The following NR2C1 variants were observed in gnomAD, a reference collection of about 807,000 sequenced individuals.
The protein encoded by NR2C1 is TR2 nuclear hormone receptor.
NR2C1 carries 33 observed loss-of-function variants against 74.8 expected under a neutral mutation model. The ratio of observed to expected loss-of-function variants is 0.44; its 90% CI spans 0.33 to 0.59. The LOEUF (loss-of-function observed/expected upper bound fraction) is 0.59, where lower values mean the gene tolerates loss of function less well. NR2C1 is among the 20% of genes least tolerant of loss of function. The pLI is 0.02. For missense variants in NR2C1, 568 were observed against 715.6 expected, an observed-to-expected ratio of 0.79 and a Z score of 2.35; for synonymous variants, 225 against 240.6, an observed-to-expected ratio of 0.94 and a Z score of 0.60.
intron 9 of NR2C1, among the ~76,000 whole-genome samples, chr12:95,043,711 C>G (rs74514608): frequency 0.053 from 6,660 of 125,296 alleles, 252 homozygotes; most frequent in Middle Eastern, 0.11. Flanking sequence ...AAATCCTTTG[C>G]AAAATAGTTT....
At chr12:95,054,842 C>T (rs893714105) in intron 7 of NR2C1, among the ~76,000 whole-genome samples, 1 of 151,822 alleles carries the variant, frequency 6.6e-6, no homozygotes, top group Non-Finnish European at 1.5e-5. Context: ...AGTGGAGGGA[C>T]GGTCAGCAGA....
At chr12:95,061,588 T>C (rs7135351) in intron 3 of NR2C1, among the ~76,000 whole-genome samples, 13,977 of 152,242 alleles carry the variant, frequency 0.092, 669 homozygotes, top group Middle Eastern at 0.11. Flanking sequence ...CCAAAACTAA[T>C]ACAAATATCA....
intron 10 of NR2C1, among the ~76,000 whole-genome samples, chr12:95,032,791 A>G (rs1256004947): frequency 6.6e-6 from 1 of 152,106 alleles, no homozygotes; most frequent in Non-Finnish European, 1.5e-5. Context: ...AACATGGCGA[A>G]ACTCTATCTC....
chr12:95,032,457 C>CAAAAAAAAAAAAAAAA (rs905079010), intron 10 of NR2C1, among the ~76,000 whole-genome samples: 14 of 90,712 alleles, frequency 1.5e-4, no homozygotes, highest in African/African-American at 5.7e-4. Context: ...GACTCCGTCT[C>CAAAAAAAAAAAAAAAA]AAAAAAAAAA....
rs976446765 is a variant in NR2C1 at position 95,020,281 on chromosome 12, T to C, written c.*1948A>G. 3.3e-5 allele frequency: 5 copies of C among 152,134 alleles called. No individual in the cohort carries two copies. Among genetic ancestry groups the C allele is most frequent in the African/African-American group, 1.2e-4 (5 of 41,436 alleles). The allele number at this position is 152,134 out of a possible 1,614,324, so 9.4% of individuals were successfully genotyped here. On this transcript the variant is annotated 3_prime_UTR_variant, in exon 14 of 14. Transcript: ENST00000333003. ...CAAATATACTGGTAAGACACAGAAA[T>C]TTGTAATGCAAGTCACATTTTAATA...
At chr12:95,032,101 C>T (rs988046718) in intron 10 of NR2C1, among the ~76,000 whole-genome samples, 1 of 152,198 alleles carries the variant, frequency 6.6e-6, no homozygotes, top group Admixed American at 6.5e-5. Flanking sequence ...CTCCTGACCT[C>T]AGCTGATCCG....
intron 8 of NR2C1, 39 bp downstream of exon 8, chr12:95,051,721 CAT>C: frequency 6.6e-7 from 1 of 1,513,934 alleles, no homozygotes; most frequent in Middle Eastern, 1.7e-4. Flanking sequence ...TACTGAAAGA[CAT>C]GTAAACAAAA....
chr12:95,052,158 G>GTTTTT (rs201217929), intron 7 of NR2C1, among the ~76,000 whole-genome samples: 5 of 141,094 alleles, frequency 3.5e-5, no homozygotes, highest in Non-Finnish European at 4.7e-5. Flanking sequence ...ATGTTACTTT[G>GTTTTT]TTTTTTTTTT....
chr12:95,070,076 AT>A (rs1876365117), intron 1 of NR2C1, among the ~76,000 whole-genome samples: 5 of 152,336 alleles, frequency 3.3e-5, no homozygotes, highest in Middle Eastern at 6.8e-3. Context: ...ATCCAGCCTG[AT>A]AAACTGGCCT....
intron 3 of NR2C1, among the ~76,000 whole-genome samples, chr12:95,061,392 A>G (rs536872460): frequency 6.6e-6 from 1 of 152,360 alleles, no homozygotes; most frequent in Admixed American, 6.5e-5. Context: ...ACGGGGGAGT[A>G]ATATGGGAAC....
intron 1 of NR2C1, among the ~76,000 whole-genome samples, chr12:95,068,956 C>CT (rs1458168649): frequency 6.6e-6 from 1 of 151,738 alleles, no homozygotes; most frequent in Non-Finnish European, 1.5e-5. Context: ...GAGAGAGACT[C>CT]TGTCTCAAAA....
intron 1 of NR2C1, among the ~76,000 whole-genome samples, chr12:95,071,749 CTTT>C (rs780957499): frequency 2.1e-5 from 3 of 141,546 alleles, no homozygotes; most frequent in Non-Finnish European, 4.7e-5. Flanking sequence ...ATAAAACCCA[CTTT>C]TTTTTTTTTT....
At chr12:95,058,213 A>G in intron 5 of NR2C1, 97 bp downstream of exon 5, 1 of 1,111,754 alleles carries the variant, frequency 9.0e-7, no homozygotes, top group Non-Finnish European at 1.2e-6. Context: ...CTGTAAACTA[A>G]AAAGTATACA....
chr12:95,030,514 C>T lies in NR2C1; in HGVS notation c.1393+835G>A, dbSNP rs1355096491. ...CTTTCCTGAAGGTAGGCTTTATAAC[C>T]ATTACAGGCATATAAGACATGAACC... On this transcript the variant is annotated intron_variant, in intron 11 of 13. Coordinates refer to ENST00000333003, the MANE Select transcript of NR2C1 (RefSeq NM_003297.4). The T allele has an allele frequency of 4.4e-6, 7 of 1,596,454 alleles. No individual in the cohort carries two copies. In the East Asian group the frequency reaches 1.6e-4, roughly 36 times the overall value.
At chr12:95,032,222 T>C (rs1170252851) in intron 10 of NR2C1, among the ~76,000 whole-genome samples, 1 of 152,228 alleles carries the variant, frequency 6.6e-6, no homozygotes, top group Non-Finnish European at 1.5e-5. Context: ...AAATGGTTCA[T>C]TGTATGTTTC....
At chr12:95,042,647 A>G (rs557510735) in intron 9 of NR2C1, among the ~76,000 whole-genome samples, 65 of 152,368 alleles carry the variant, frequency 4.3e-4, no homozygotes, top group Non-Finnish European at 7.1e-4. Context: ...GTTCATTATT[A>G]GCCAAGAATG....
chr12:95,049,266 C>A (rs753362493), intron 8 of NR2C1, 33 bp from the exon 9 acceptor site: 1 of 1,577,690 alleles, frequency 6.3e-7, no homozygotes, highest in Admixed American at 1.8e-5. Flanking sequence ...ATGAGCTTGA[C>A]CAAACACCGC....
intron 9 of NR2C1, among the ~76,000 whole-genome samples, chr12:95,044,322 C>T (rs1852101916): frequency 6.6e-6 from 1 of 151,560 alleles, no homozygotes; most frequent in South Asian, 2.1e-4. Flanking sequence ...GGCTGCAGTG[C>T]AGTGGTGCCA....
intron 9 of NR2C1, among the ~76,000 whole-genome samples, chr12:95,045,141 T>C (rs992538838): frequency 6.6e-6 from 1 of 152,230 alleles, no homozygotes; most frequent in East Asian, 1.9e-4. Flanking sequence ...AGATTACATA[T>C]TCATTCAGTA....
Sources: gnomAD v4.1 joint callset for allele counts (sites outside exome capture counted in the v4.1 genomes callset) on GRCh38, gnomAD v4.1.1 for gene constraint, MANE v1.5 for transcripts, NCBI Gene and HGNC (gene_info 2026-07-23, HGNC 2026-07-21) for gene names.